Variants in SMIM14 observed in about 807,000 individuals in gnomAD.
SMIM14 encodes small integral membrane protein 14, also known as chromosome 4 open reading frame 34.
A neutral mutation model predicts 12.6 loss-of-function variants in SMIM14; 5 were observed. The observed-to-expected ratio is 0.40, with a 90% CI of 0.21 to 0.83. The LOEUF is 0.83. SMIM14 is among the 40% of genes least tolerant of loss of function. The pLI, the probability that SMIM14 is intolerant of heterozygous loss-of-function variation, is 0.37. For synonymous variants in SMIM14, 30 were observed against 40.1 expected (o/e 0.75, Z 0.95); for missense variants, 86 against 119.1 (o/e 0.72, Z 1.29).
chr4:39,581,460 T>C (rs1713486151), intron 2 of SMIM14, among the ~76,000 whole-genome samples: 1 of 152,072 alleles, frequency 6.6e-6, no homozygotes, highest in Non-Finnish European at 1.5e-5. Context: ...AGATTTCCAC[T>C]GGTTAACTTT....
intron 1 of SMIM14, among the ~76,000 whole-genome samples, chr4:39,633,403 A>G (rs931328064): frequency 3.9e-5 from 6 of 152,192 alleles, no homozygotes; most frequent in African/African-American, 1.4e-4. Flanking sequence ...TCACCATAAT[A>G]TTATTTATAA....
At chr4:39,575,089 T>TTG (rs1713103291) in intron 2 of SMIM14, among the ~76,000 whole-genome samples, 1 of 150,930 alleles carries the variant, frequency 6.6e-6, no homozygotes, top group Admixed American at 6.6e-5. Context: ...GTTTTTTTTT[T>TTG]TTTTTTTTTT....
chr4:39,560,678 T>G (rs1292071175), intron 3 of SMIM14, among the ~76,000 whole-genome samples: 1 of 151,900 alleles, frequency 6.6e-6, no homozygotes, highest in East Asian at 2.0e-4. Context: ...AAATCCCACC[T>G]TCCACTTAAC....
chr4:39,578,272 C>T (rs1713305124), intron 2 of SMIM14, among the ~76,000 whole-genome samples: 3 of 152,144 alleles, frequency 2.0e-5, no homozygotes, highest in Non-Finnish European at 4.4e-5. Context: ...CCCAGGCTCC[C>T]AAGTAGCTGG....
At position 39,552,018 on chromosome 4, in the gene SMIM14, G is replaced by A. The variant is rs542279881; in HGVS notation, c.*108C>T. On this transcript the variant is annotated 3_prime_UTR_variant, in exon 5 of 5. Coordinates refer to ENST00000295958, the MANE Select transcript of SMIM14 (RefSeq NM_174921.3). ...CATGAAAACAATACCATCCCATATT[G>A]CAGATACAAAAGGAAAAACAGTTCT... The A allele has an allele frequency of 3.7e-6, 3 of 807,450 alleles. No individual in the cohort carries two copies. The highest frequency in any genetic ancestry group is 5.7e-6 in the Non-Finnish European group (3 of 524,250). 50.0% of individuals were successfully genotyped at this position (807,450 alleles called of 1,614,324 possible). A position where few individuals can be genotyped will look rare whatever the true frequency, so the allele number is the denominator to read the frequency against.
rs1747348882 is a variant in SMIM14, at chr4:39,546,390, C to CA, written c.*5735dup. On this transcript the variant is annotated 3_prime_UTR_variant, in exon 5 of 5. Transcript: ENST00000295958. ...ATACATTTGTCTGAGAAGAGATACGCACACTAAAGTCCCCTACAAGCAACT... is the reference window on the plus strand; with the variant it reads ...ATACATTTGTCTGAGAAGAGATACGCAACACTAAAGTCCCCTACAAGCAACT... The CA allele has an allele frequency of 6.6e-6, 1 of 152,196 alleles. No individual in the cohort carries two copies. Among genetic ancestry groups the CA allele is most frequent in the Non-Finnish European group, 1.5e-5 (1 of 68,036 alleles). 9.4% of individuals were successfully genotyped at this position (152,196 alleles called of 1,614,324 possible).
intron 3 of SMIM14, among the ~76,000 whole-genome samples, chr4:39,561,249 G>A (rs1221929094): frequency 2.0e-5 from 3 of 152,112 alleles, no homozygotes; most frequent in Admixed American, 2.0e-4. Context: ...TTCAGATTTT[G>A]GAGCACTTCA....
At position 39,586,349 on chromosome 4, in the gene SMIM14, C is replaced by T. The variant is rs10013700; in HGVS notation, c.76-13886G>A. Among the ~76,000 whole-genome samples the T allele has an allele frequency of 4.6e-3, 699 of 152,132 alleles. 11 individuals carry two copies. Among genetic ancestry groups the T allele is most frequent in the African/African-American group, 0.016 (663 of 41,436 alleles). On this transcript the variant is annotated intron_variant, in intron 2 of 4. Coordinates refer to ENST00000295958, the MANE Select transcript of SMIM14 (RefSeq NM_174921.3). ...GAAATCTCCTCAGCTAAGTATCCAA[C>T]TTCATCACTCACAAGTTCTACCTCC...
In SMIM14 at chr4:39,550,914, CT is replaced by C. The variant is rs553021365; in HGVS notation, c.*1211del. 1.7e-3 allele frequency: 245 copies of C among 144,238 alleles called. No individual in the cohort carries two copies. Among genetic ancestry groups the C allele is most frequent in the Admixed American group, 1.6e-3 (23 of 14,414 alleles). The allele number at this position is 144,238 out of a possible 1,614,324, so 8.9% of individuals were successfully genotyped here. A position where few individuals can be genotyped will look rare whatever the true frequency, so the allele number is the denominator to read the frequency against. On this transcript the variant is annotated 3_prime_UTR_variant, in exon 5 of 5. Transcript: ENST00000295958. Reference sequence around the variant, plus strand: ...CCTAATACAGCTTTAAGATTTTCTTCTTTTTTTTTTTTTGAGAGGGAGTCTC... The same window carrying C: ...CCTAATACAGCTTTAAGATTTTCTTCTTTTTTTTTTTTGAGAGGGAGTCTC...
At chr4:39,602,314 G>A (rs1199129139) in intron 2 of SMIM14, among the ~76,000 whole-genome samples, 2 of 151,356 alleles carry the variant, frequency 1.3e-5, no homozygotes, top group African/African-American at 4.9e-5. Flanking sequence ...AAGAATATTG[G>A]CCGGGCGCAG....
At chr4:39,589,268 G>A (rs1474694525) in intron 2 of SMIM14, among the ~76,000 whole-genome samples, 2 of 152,060 alleles carry the variant, frequency 1.3e-5, no homozygotes, top group Non-Finnish European at 2.9e-5. Context: ...TGTATTTTTA[G>A]TAGAGATGAG....
chr4:39,616,142 G>A (rs987695368), intron 1 of SMIM14, among the ~76,000 whole-genome samples: 8 of 152,116 alleles, frequency 5.3e-5, no homozygotes, highest in African/African-American at 1.9e-4. Flanking sequence ...TGTTGTTGTT[G>A]TTGTTATTTT....
At chr4:39,606,565 C>T (rs540236412) in intron 1 of SMIM14, among the ~76,000 whole-genome samples, 11 of 149,512 alleles carry the variant, frequency 7.4e-5, no homozygotes, top group African/African-American at 2.2e-4. Flanking sequence ...CGCTTGAATC[C>T]GGGAGGCAGA....
chr4:39,627,671 T>G (rs1172892525), intron 1 of SMIM14, among the ~76,000 whole-genome samples: 1 of 152,176 alleles, frequency 6.6e-6, no homozygotes, highest in Non-Finnish European at 1.5e-5. Flanking sequence ...GGAGTGTGTG[T>G]GTTCCACTGG....
At chr4:39,562,361 A>G (rs1712354168) in intron 3 of SMIM14, among the ~76,000 whole-genome samples, 1 of 151,972 alleles carries the variant, frequency 6.6e-6, no homozygotes, top group East Asian at 1.9e-4. Flanking sequence ...AGGGTGGCAG[A>G]GACAGACCCT....
rs996102836 is a variant in SMIM14, at chr4:39,549,223, T to G, written c.*2903A>C. The G allele has an allele frequency of 6.6e-6, 1 of 152,034 alleles. No individual in the cohort carries two copies. Among genetic ancestry groups the G allele is most frequent in the Non-Finnish European group, 1.5e-5 (1 of 67,992 alleles). 9.4% of individuals were successfully genotyped at this position (152,034 alleles called of 1,614,324 possible). A position where few individuals can be genotyped will look rare whatever the true frequency, so the allele number is the denominator to read the frequency against. On this transcript the variant is annotated 3_prime_UTR_variant, in exon 5 of 5. Coordinates refer to ENST00000295958, the MANE Select transcript of SMIM14 (RefSeq NM_174921.3). ...CAACAACCAAAAAGAATCCAGATTTTTAGGTGTCTAATACTAGACATTCTG... is the reference window on the plus strand; with the variant it reads ...CAACAACCAAAAAGAATCCAGATTTGTAGGTGTCTAATACTAGACATTCTG...
intron 2 of SMIM14, among the ~76,000 whole-genome samples, chr4:39,574,565 A>G (rs746335093): frequency 6.6e-6 from 1 of 152,120 alleles, no homozygotes; most frequent in Non-Finnish European, 1.5e-5. Context: ...AAGTTTCAAG[A>G]CCTTGGGGCA....
intron 1 of SMIM14, among the ~76,000 whole-genome samples, chr4:39,635,935 G>C (rs567890790): frequency 2.0e-5 from 3 of 152,060 alleles, no homozygotes; most frequent in Non-Finnish European, 2.9e-5. Flanking sequence ...CACCGTGGGC[G>C]GCCAAGGTGG....
intron 1 of SMIM14, among the ~76,000 whole-genome samples, chr4:39,605,883 G>A (rs964696045): frequency 3.9e-5 from 6 of 152,120 alleles, no homozygotes; most frequent in African/African-American, 1.4e-4. Flanking sequence ...TGGGATTACA[G>A]GCATGCACCA....
Sources: allele counts gnomAD v4.1 joint callset (sites outside exome capture counted in the v4.1 genomes callset), GRCh38; gene constraint gnomAD v4.1.1; transcripts MANE v1.5; gene names NCBI Gene and HGNC (gene_info 2026-07-23, HGNC 2026-07-21).